WDR48: variants seen among roughly 807,000 people sequenced by gnomAD.
The protein encoded by WDR48 is WD repeat-containing protein 48.
In WDR48, 22 loss-of-function variants were observed where a neutral mutation model predicts 94.0. The ratio of observed to expected loss-of-function variants is 0.23; its 90% CI spans 0.17 to 0.33. The LOEUF is 0.33. Ranked by LOEUF, WDR48 falls within the 10% of genes least tolerant of loss-of-function variation. The pLI is 1.00. For missense variants in WDR48, 541 were observed against 813.8 expected, an observed-to-expected ratio of 0.66 and a Z score of 4.08; for synonymous variants, 278 against 280.5, an observed-to-expected ratio of 0.99 and a Z score of 0.09.
chr3:39,088,553 T>G (rs1049658727), intron 15 of WDR48, among the ~76,000 whole-genome samples: 15 of 152,198 alleles, frequency 9.9e-5, no homozygotes, highest in African/African-American at 3.6e-4. Context: ...CAACAGATGA[T>G]ACCACTAGAA....
intron 1 of WDR48, among the ~76,000 whole-genome samples, chr3:39,059,152 C>A (rs1171774164): frequency 6.6e-6 from 1 of 151,388 alleles, no homozygotes; most frequent in Non-Finnish European, 1.5e-5. Flanking sequence ...AGGGTCATAA[C>A]CCTGAGGAGA....
At chr3:39,052,161 C>A in intron 1 of WDR48, 88 bp downstream of exon 1, 1 of 1,543,156 alleles carries the variant, frequency 6.5e-7, no homozygotes, top group Admixed American at 1.7e-5. Flanking sequence ...CCACGACCAG[C>A]TGGGGTAGCG....
intron 13 of WDR48, 73 bp downstream of exon 13, chr3:39,084,814 T>G: frequency 7.6e-7 from 1 of 1,309,126 alleles, no homozygotes. Context: ...TTTTGCTAAG[T>G]ACTTATCTTT....
chr3:39,052,900 A>G (rs1019847351), intron 1 of WDR48, among the ~76,000 whole-genome samples: 1 of 152,182 alleles, frequency 6.6e-6, no homozygotes, highest in Admixed American at 6.5e-5. Context: ...GAGGGATAGC[A>G]TTAGGAGAAA....
intron 5 of WDR48, among the ~76,000 whole-genome samples, chr3:39,067,359 T>C (rs1262976230): frequency 6.6e-6 from 1 of 152,196 alleles, no homozygotes; most frequent in African/African-American, 2.4e-5. Context: ...AGTGCCAGTT[T>C]ATCAAATTTT....
intron 1 of WDR48, 52 bp from the exon 2 acceptor site, chr3:39,062,998 A>G: frequency 1.9e-6 from 3 of 1,597,778 alleles, no homozygotes; most frequent in Non-Finnish European, 2.6e-6. Flanking sequence ...ACTATATTTT[A>G]TTACTGCATG....
At chr3:39,066,926 T>C (rs1432024634) in intron 5 of WDR48, 51 bp downstream of exon 5, 10 of 1,583,068 alleles carry the variant, frequency 6.3e-6, no homozygotes, top group Non-Finnish European at 8.6e-6. Context: ...TTAACATAAA[T>C]AAAGAATGGT....
intron 11 of WDR48, among the ~76,000 whole-genome samples, chr3:39,080,143 T>C (rs1039745680): frequency 2.0e-5 from 3 of 152,182 alleles, no homozygotes; most frequent in Non-Finnish European, 4.4e-5. Flanking sequence ...GGCTATTCCA[T>C]GCATTGTAGG....
intron 1 of WDR48, chr3:39,052,368 C>A (rs1213654859): frequency 2.6e-6 from 1 of 379,608 alleles, no homozygotes. Context: ...GGGATAGGCT[C>A]GTTCCCCGCC....
intron 10 of WDR48, 26 bp from the exon 11 acceptor site, chr3:39,079,685 C>T (rs755897322): frequency 1.4e-6 from 2 of 1,439,424 alleles, no homozygotes; most frequent in Non-Finnish European, 1.9e-6. Context: ...GATTGTTTTA[C>T]CAATTGTGTT....
At chr3:39,082,114 C>T (rs1000773014) in intron 11 of WDR48, among the ~76,000 whole-genome samples, 1 of 151,914 alleles carries the variant, frequency 6.6e-6, no homozygotes, top group Non-Finnish European at 1.5e-5. Context: ...GTCGGGGGTG[C>T]CTATTATTGG....
intron 1 of WDR48, among the ~76,000 whole-genome samples, chr3:39,054,330 T>G (rs547826050): frequency 2.0e-5 from 3 of 152,184 alleles, no homozygotes; most frequent in African/African-American, 7.2e-5. Context: ...GAGGGAGCTG[T>G]CCTATGCATC....
Position 39,079,579 on chromosome 3 carries a change from AG to A in WDR48, c.1076-130del, listed in dbSNP as rs1447186720. The A allele has an allele frequency of 2.6e-5, 14 of 547,284 alleles. No homozygotes were observed. In the East Asian group the frequency reaches 4.8e-4, roughly 19 times the overall value. The allele number at this position is 547,284 out of a possible 1,614,324, so 33.9% of individuals were successfully genotyped here. Reference sequence around the variant, plus strand: ...CTTTAGATATAATTATATAGTCTTTAGGTTTGCCTTTTCCTTTCTAGTAGCT... The same window carrying A: ...CTTTAGATATAATTATATAGTCTTTAGTTTGCCTTTTCCTTTCTAGTAGCT... On this transcript the variant is annotated intron_variant, in intron 10 of 18. Coordinates refer to ENST00000302313, the MANE Select transcript of WDR48 (RefSeq NM_020839.4).
chr3:39,069,966 G>A (rs549490806), intron 7 of WDR48, among the ~76,000 whole-genome samples: 2 of 152,326 alleles, frequency 1.3e-5, no homozygotes, highest in Admixed American at 1.3e-4. Context: ...TAATTCTGAT[G>A]CAGATGAGTA....
Position 39,094,845 on chromosome 3 carries a change from A to C in WDR48, c.*102A>C, listed in dbSNP as rs1575443239. 7.0e-7 allele frequency: 1 copy of C among 1,419,906 alleles called. No individual in the cohort carries two copies. Among genetic ancestry groups the C allele is most frequent in the African/African-American group, 1.4e-5 (1 of 69,928 alleles). The allele number at this position is 1,419,906 out of a possible 1,614,324, so 88.0% of individuals were successfully genotyped here. The stretch of plus-strand genomic sequence containing the variant: ...GATCCCCAACGGGAGCAAGACTTCT[A>C]ACGGCTGATTGGTATGGACCGAGAT... On this transcript the variant is annotated 3_prime_UTR_variant, in exon 19 of 19. Transcript: ENST00000302313.
rs763251885 is a variant in WDR48, at chr3:39,088,149, G to T, written c.1496G>T (p.Arg499Leu). ...CTAGTAAATGGGGAGCAGGAGAACC[G>T]AGTGCAGAAGGGAAATGGATATTTT... Reference protein sequence around the residue: ...VNHVNGEQENRVQKGNGYFQV... With the variant: ...VNHVNGEQENLVQKGNGYFQV... The change falls in exon 15 of 19, where the codon CGA (arginine) becomes CTA (leucine). Residue 499 changes from arginine (R) to leucine (L), a missense_variant. Physicochemically the swap from Arg to Leu is moderately radical, Grantham distance 102 (BLOSUM62 -2). Coordinates refer to ENST00000302313, the MANE Select transcript of WDR48 (RefSeq NM_020839.4). The T allele has an allele frequency of 1.9e-6, 3 of 1,614,078 alleles. No homozygotes were observed. The highest frequency in any genetic ancestry group is 1.1e-5 in the South Asian group (1 of 91,068).
chr3:39,085,142 G>A (rs2034746276), intron 13 of WDR48, among the ~76,000 whole-genome samples: 1 of 152,074 alleles, frequency 6.6e-6, no homozygotes, highest in African/African-American at 2.4e-5. Flanking sequence ...CAGGAGAATG[G>A]CGTGAACCCG....
chr3:39,072,331 A>G (rs1428271369), intron 7 of WDR48, among the ~76,000 whole-genome samples: 2 of 151,822 alleles, frequency 1.3e-5, no homozygotes. Context: ...ACAACCTGCC[A>G]TCTTGATTTG....
intron 1 of WDR48, among the ~76,000 whole-genome samples, chr3:39,056,736 T>G (rs1040589004): frequency 6.6e-6 from 1 of 152,248 alleles, no homozygotes; most frequent in African/African-American, 2.4e-5. Flanking sequence ...ATGCAAGGAC[T>G]AAGTTGCCAA....
Sources: allele counts gnomAD v4.1 joint callset (sites outside exome capture counted in the v4.1 genomes callset), GRCh38; gene constraint gnomAD v4.1.1; transcripts MANE v1.5; gene names NCBI Gene and HGNC (gene_info 2026-07-23, HGNC 2026-07-21).